Variants in MSI2 observed in about 807,000 individuals in gnomAD.
MSI2 encodes the protein musashi RNA binding protein 2, also known as RNA-binding protein Musashi homolog 2.
MSI2 carries 17 observed loss-of-function variants against 45.6 expected under a neutral mutation model. The observed-to-expected ratio is 0.37, with a 90% CI of 0.26 to 0.56. MSI2 has a LOEUF of 0.56. MSI2 is among the 20% of genes least tolerant of loss of function. The pLI, the probability that MSI2 is intolerant of heterozygous loss-of-function variation, is 0.77. For synonymous variants in MSI2, 156 were observed against 158.2 expected (o/e 0.99, Z 0.11); for missense variants, 293 against 444.2 (o/e 0.66, Z 3.06).
intron 6 of MSI2, among the ~76,000 whole-genome samples, chr17:57,476,997 C>T (rs2085549998): frequency 6.6e-6 from 1 of 152,170 alleles, no homozygotes; most frequent in Non-Finnish European, 1.5e-5. Flanking sequence ...CCAGCTGTCT[C>T]ATGCTTAGCA....
intron 6 of MSI2, among the ~76,000 whole-genome samples, chr17:57,506,683 G>C (rs537013111): frequency 1.3e-5 from 2 of 152,174 alleles, no homozygotes; most frequent in Admixed American, 6.5e-5. Context: ...TTCCAGAACC[G>C]TTCAAACATC....
intron 8 of MSI2, among the ~76,000 whole-genome samples, chr17:57,599,996 C>T (rs757615213): frequency 6.6e-6 from 1 of 152,158 alleles, no homozygotes; most frequent in Non-Finnish European, 1.5e-5. Context: ...CCAGCCAATT[C>T]CCCTCCTCTG....
chr17:57,502,641 A>G (rs1481188991), intron 6 of MSI2, among the ~76,000 whole-genome samples: 1 of 137,158 alleles, frequency 7.3e-6, no homozygotes, highest in Non-Finnish European at 1.6e-5. Flanking sequence ...ATATATAGTC[A>G]TCATTCTGTC....
At chr17:57,563,757 C>T (rs1347200146) in intron 7 of MSI2, among the ~76,000 whole-genome samples, 2 of 147,514 alleles carry the variant, frequency 1.4e-5, no homozygotes, top group Non-Finnish European at 3.0e-5. Context: ...CACACACACA[C>T]ACACACACAC....
In MSI2 at chr17:57,682,528, G is replaced by C. The variant is rs1913676825; in HGVS notation, c.*3011G>C. On this transcript the variant is annotated 3_prime_UTR_variant, in exon 14 of 14. Coordinates refer to ENST00000284073, the MANE Select transcript of MSI2 (RefSeq NM_138962.4). Reference sequence around the variant, plus strand: ...TGTTTTAGATGTTTATATACCTTTTGAAGAGACCCAGTAGCCCATAGCACA... The same window carrying C: ...TGTTTTAGATGTTTATATACCTTTTCAAGAGACCCAGTAGCCCATAGCACA... 4.8e-6 allele frequency: 1 copy of C among 209,010 alleles called. No individual in the cohort carries two copies. Among genetic ancestry groups the C allele is most frequent in the Admixed American group, 5.9e-5 (1 of 16,924 alleles). 12.9% of individuals were successfully genotyped at this position (209,010 alleles called of 1,614,324 possible). A position where few individuals can be genotyped will look rare whatever the true frequency, so the allele number is the denominator to read the frequency against.
intron 10 of MSI2, among the ~76,000 whole-genome samples, chr17:57,637,019 A>G (rs1264986090): frequency 6.6e-6 from 1 of 152,072 alleles, no homozygotes. Context: ...GCCCCCACAC[A>G]TCTGTCTCAT....
At chr17:57,444,840 A>C (rs957192283) in intron 6 of MSI2, 1 of 152,206 alleles carries the variant, frequency 6.6e-6, no homozygotes, top group South Asian at 2.1e-4. Flanking sequence ...GGCTATAATT[A>C]AGCCTCTCTG....
At chr17:57,672,406 T>C (rs1043945404) in intron 11 of MSI2, among the ~76,000 whole-genome samples, 1 of 152,204 alleles carries the variant, frequency 6.6e-6, no homozygotes, top group Non-Finnish European at 1.5e-5. Flanking sequence ...AACAGCCCTT[T>C]TGTCTTCTAT....
At chr17:57,426,545 C>T (rs755718182) in intron 6 of MSI2, among the ~76,000 whole-genome samples, 6 of 152,140 alleles carry the variant, frequency 3.9e-5, no homozygotes, top group Non-Finnish European at 8.8e-5. Context: ...CAACTTTTCC[C>T]CAATTGTAGA....
At chr17:57,593,137 C>T (rs1374996227) in intron 7 of MSI2, among the ~76,000 whole-genome samples, 1 of 152,184 alleles carries the variant, frequency 6.6e-6, no homozygotes, top group Non-Finnish European at 1.5e-5. Flanking sequence ...GGGTTTTTCT[C>T]ATTCATCCAC....
chr17:57,531,886 A>C (rs2086828717), intron 7 of MSI2: 1 of 152,216 alleles, frequency 6.6e-6, no homozygotes, highest in Admixed American at 6.5e-5. Flanking sequence ...CTGTGGGTGA[A>C]GCCTCTTCCC....
chr17:57,643,872 CCT>C (rs1365368282), intron 10 of MSI2, among the ~76,000 whole-genome samples: 2 of 152,206 alleles, frequency 1.3e-5, no homozygotes, highest in African/African-American at 2.4e-5. Flanking sequence ...GACTGCAGGA[CCT>C]CTCTCCTTTA....
intron 5 of MSI2, among the ~76,000 whole-genome samples, chr17:57,387,505 C>T (rs933792217): frequency 6.6e-6 from 1 of 152,194 alleles, no homozygotes; most frequent in African/African-American, 2.4e-5. Flanking sequence ...TAATGTGCAA[C>T]AGTCTGTTAC....
chr17:57,382,256 G>A (rs148628472), intron 5 of MSI2, among the ~76,000 whole-genome samples: 1 of 152,312 alleles, frequency 6.6e-6, no homozygotes, highest in African/African-American at 2.4e-5. Context: ...CTGGTAGGAG[G>A]GGGACAGGTG....
At chr17:57,318,718 C>T (rs1691200833) in intron 5 of MSI2, among the ~76,000 whole-genome samples, 1 of 152,158 alleles carries the variant, frequency 6.6e-6, no homozygotes, top group African/African-American at 2.4e-5. Flanking sequence ...TTCCTGAATC[C>T]AGGCCTTGGA....
chr17:57,615,329 C>A (rs1407959565), intron 8 of MSI2, among the ~76,000 whole-genome samples: 1 of 151,896 alleles, frequency 6.6e-6, no homozygotes, highest in Non-Finnish European at 1.5e-5. Flanking sequence ...CGGGGTTTCA[C>A]CATGTTGCCA....
intron 6 of MSI2, among the ~76,000 whole-genome samples, chr17:57,512,968 C>CTTTTTT (rs34727727): frequency 0.037 from 4,249 of 114,384 alleles, 301 homozygotes; most frequent in South Asian, 0.14. Flanking sequence ...TAGCTTCTTC[C>CTTTTTT]TTTTTTTTTT....
At chr17:57,274,881 T>C (rs4794715) in intron 5 of MSI2, among the ~76,000 whole-genome samples, 54,982 of 151,924 alleles carry the variant, frequency 0.36, 11,802 homozygotes, top group African/African-American at 0.6. Context: ...TTCAATTCTG[T>C]ACTTAAAAAA....
chr17:57,636,612 G>A (rs1157551720), intron 10 of MSI2, among the ~76,000 whole-genome samples: 2 of 152,234 alleles, frequency 1.3e-5, no homozygotes, highest in Non-Finnish European at 2.9e-5. Context: ...CCCCTCCCCA[G>A]GCTCTGTAAT....
Sources: gnomAD v4.1 joint callset for allele counts (sites outside exome capture counted in the v4.1 genomes callset) on GRCh38, gnomAD v4.1.1 for gene constraint, MANE v1.5 for transcripts, NCBI Gene and HGNC (gene_info 2026-07-23, HGNC 2026-07-21) for gene names.